Variants in ASXL2 observed in about 807,000 individuals in gnomAD.
ASXL2 encodes the protein ASXL transcriptional regulator 2, also known as putative Polycomb group protein ASXL2.
In ASXL2, 23 loss-of-function variants were observed where a neutral mutation model predicts 122.0. That is an observed-to-expected ratio of 0.19 (90% CI 0.14 to 0.27). ASXL2 has a LOEUF of 0.27. Among genes scored for constraint, ASXL2 ranks in the 10% least tolerant of loss-of-function variants. The pLI, the probability that ASXL2 is intolerant of heterozygous loss-of-function variation, is 1.00. For synonymous variants in ASXL2, 650 were observed against 637.0 expected (o/e 1.02, Z -0.31); for missense variants, 1,518 against 1,713.8 (o/e 0.89, Z 2.02).
chr2:25,751,637 A>C (rs1434230439), intron 11 of ASXL2, among the ~76,000 whole-genome samples: 1 of 150,242 alleles, frequency 6.7e-6, no homozygotes, highest in African/African-American at 2.4e-5. Context: ...CTGTCTTTGA[A>C]AAAAAAAAAA....
chr2:25,742,673 T>C lies in ASXL2; in HGVS notation c.3664A>G (p.Thr1222Ala). The C allele has an allele frequency of 2.5e-6, 4 of 1,614,004 alleles. No individual in the cohort carries two copies. Among genetic ancestry groups the C allele is most frequent in the Non-Finnish European group, 3.4e-6 (4 of 1,179,884 alleles). ...TTCTTGCTAGCTAAGCAATCACTGG[T>C]AGATAGAGTTTCCCTGCTGTGAGGT... ...SGPHSRETLS[T>A]SDCLASKNVK... Residue 1222 changes from threonine (T) to alanine (A), a missense_variant, in exon 13 of 13, where the codon ACC (threonine) becomes GCC (alanine). By Grantham distance (58) the Thr-to-Ala change is moderately conservative (BLOSUM62 0). This residue lies in a region of ASXL2 where 831 missense variants were observed against 833.1 expected (regional missense o/e 1.00). Coordinates refer to ENST00000435504, the MANE Select transcript of ASXL2 (RefSeq NM_018263.6).
chr2:25,758,544 C>T (rs72799655), intron 9 of ASXL2, among the ~76,000 whole-genome samples: 6,411 of 152,206 alleles, frequency 0.042, 206 homozygotes, highest in African/African-American at 0.079. Context: ...GGGGGAGTGA[C>T]TGGGTACACT....
intron 2 of ASXL2, among the ~76,000 whole-genome samples, chr2:25,843,301 CAAAAAAAAA>C (rs35388163): frequency 3.2e-5 from 3 of 93,028 alleles, no homozygotes; most frequent in African/African-American, 1.3e-4. Flanking sequence ...GACTTCGTCT[CAAAAAAAAA>C]AAAAAAAAAA....
rs1413993627 is a variant in ASXL2, at chr2:25,739,544, ATC to A, written c.*2483_*2484del. On this transcript the variant is annotated 3_prime_UTR_variant, in exon 13 of 13. Coordinates refer to ENST00000435504, the MANE Select transcript of ASXL2 (RefSeq NM_018263.6). ...TGAGGCAGTGTATCTAGTTGGCAAT[ATC>A]TGTTTTAGGAGTATTCCTAAATGCA... 5.2e-6 allele frequency: 1 copy of A among 191,744 alleles called. No individual in the cohort carries two copies. The allele number at this position is 191,744 out of a possible 1,614,324, so 11.9% of individuals were successfully genotyped here.
intron 5 of ASXL2, among the ~76,000 whole-genome samples, chr2:25,784,759 A>G (rs991219775): frequency 2.6e-5 from 4 of 152,226 alleles, no homozygotes; most frequent in African/African-American, 7.2e-5. Flanking sequence ...TTATAAAGAC[A>G]CTAGTCTTAG....
intron 3 of ASXL2, among the ~76,000 whole-genome samples, chr2:25,811,503 A>G (rs1270584472): frequency 6.6e-6 from 1 of 152,068 alleles, no homozygotes; most frequent in East Asian, 1.9e-4. Context: ...TTCTTTAGGA[A>G]AACAAATAGC....
intron 1 of ASXL2, among the ~76,000 whole-genome samples, chr2:25,848,409 T>C (rs2089675062): frequency 6.6e-6 from 1 of 151,510 alleles, no homozygotes; most frequent in African/African-American, 2.4e-5. Flanking sequence ...GATCACAAGG[T>C]CAGGAGATCG....
At position 25,744,177 on chromosome 2, in the gene ASXL2, G is replaced by T; in HGVS notation, c.2160C>A (p.Val720=). 6.2e-7 allele frequency: 1 copy of T among 1,613,972 alleles called. No individual in the cohort carries two copies. Among genetic ancestry groups the T allele is most frequent in the South Asian group, 1.1e-5 (1 of 91,062 alleles). The change falls in exon 13 of 13, where the codon GTC becomes GTA. Residue 720 remains valine, a synonymous_variant. Transcript: ENST00000435504. This position sits in a 1 kb window ranked among gnomAD's most constrained non-coding sequence, Gnocchi z 4.7. ...GTGTGGGGCCCTTTCCAGTTTCACT[G>T]ACTCTGTCTGAGCCTGGACTGCCTC... The part of the protein sequence containing the change: ...ARGGSPGSDR[V]SETGKGPTLE...
chr2:25,791,376 A>T (rs1206585541), intron 5 of ASXL2, among the ~76,000 whole-genome samples: 1 of 151,598 alleles, frequency 6.6e-6, no homozygotes, highest in Non-Finnish European at 1.5e-5. Flanking sequence ...AATCCCAGCT[A>T]CTCAGGAGGC....
At chr2:25,862,006 A>G (rs1574453417) in intron 1 of ASXL2, among the ~76,000 whole-genome samples, 1 of 152,194 alleles carries the variant, frequency 6.6e-6, no homozygotes, top group African/African-American at 2.4e-5. Flanking sequence ...ATTTTCCTCT[A>G]TTTTCCAGCT....
chr2:25,806,858 T>A (rs1461813739), intron 3 of ASXL2, among the ~76,000 whole-genome samples: 1 of 152,074 alleles, frequency 6.6e-6, no homozygotes. Context: ...CTTGGTTAAA[T>A]GTTTATTAAT....
chr2:25,772,948 C>A (rs1037281430), intron 5 of ASXL2, among the ~76,000 whole-genome samples: 2 of 152,092 alleles, frequency 1.3e-5, no homozygotes, highest in African/African-American at 4.8e-5. Context: ...GTGGCTAACG[C>A]CTGTAATCCC....
intron 3 of ASXL2, chr2:25,810,579 C>G: frequency 2.7e-6 from 2 of 728,186 alleles, no homozygotes; most frequent in Non-Finnish European, 4.9e-6. Context: ...GCTCAGCTCT[C>G]TCCTCTGCAT....
intron 6 of ASXL2, 85 bp from the exon 7 acceptor site, chr2:25,768,953 A>AAATGATTCTTAG: frequency 2.8e-6 from 4 of 1,422,526 alleles, no homozygotes; most frequent in Non-Finnish European, 2.8e-6. Context: ...AAATGGCAAG[A>AAATGATTCTTAG]AGCATGCTGA....
At chr2:25,801,072 G>A (rs570038356) in intron 4 of ASXL2, among the ~76,000 whole-genome samples, 1 of 152,262 alleles carries the variant, frequency 6.6e-6, no homozygotes, top group East Asian at 1.9e-4. Context: ...GACTACAGGT[G>A]TGTGCCACCA....
rs2088960700 is a variant in ASXL2 at position 25,799,355 on chromosome 2, G to T, written c.403+30C>A. ...AAGGGCATTTGTCCTACAGCATTTA[G>T]TACTTTATTGAAGGATCAGGTGGAT... On this transcript the variant is annotated intron_variant, in intron 5 of 12. Coordinates refer to ENST00000435504, the MANE Select transcript of ASXL2 (RefSeq NM_018263.6). 3 of 1,613,848 alleles carry T rather than the reference G, an allele frequency of 1.9e-6. 1 individual carries two copies. Among genetic ancestry groups the T allele is most frequent in the Middle Eastern group, 3.3e-4 (2 of 6,060 alleles).
At chr2:25,834,911 C>T (rs1312580252) in intron 3 of ASXL2, among the ~76,000 whole-genome samples, 1 of 152,054 alleles carries the variant, frequency 6.6e-6, no homozygotes, top group East Asian at 1.9e-4. Context: ...CAACCTCCAC[C>T]TTGTGGGTTC....
intron 3 of ASXL2, chr2:25,810,059 T>C (rs2089143908): frequency 3.6e-6 from 2 of 553,324 alleles, no homozygotes; most frequent in Non-Finnish European, 7.1e-6. Context: ...CTCAGCAAAC[T>C]CAGCACAGGT....
chr2:25,846,717 G>A (rs1241931083), intron 1 of ASXL2, among the ~76,000 whole-genome samples: 12 of 152,180 alleles, frequency 7.9e-5, no homozygotes, highest in South Asian at 2.1e-4. Context: ...TCGGGAGGCC[G>A]AGATGTGAGA....
Sources: gnomAD v4.1 joint callset for allele counts (sites outside exome capture counted in the v4.1 genomes callset) on GRCh38, gnomAD v4.1.1 for gene constraint, gnomAD v4.1.1 regional missense constraint, Gnocchi (gnomAD v3.1) non-coding constraint, MANE v1.5 for transcripts, NCBI Gene and HGNC (gene_info 2026-07-23, HGNC 2026-07-21) for gene names.